B3GNT2: variants seen among roughly 807,000 people sequenced by gnomAD.
The protein encoded by B3GNT2 is N-acetyllactosaminide beta-1,3-N-acetylglucosaminyltransferase 2.
A neutral mutation model predicts 27.6 loss-of-function variants in B3GNT2; 12 were observed. The ratio of observed to expected loss-of-function variants is 0.44; its 90% CI spans 0.28 to 0.71. The LOEUF (loss-of-function observed/expected upper bound fraction) is 0.71, where lower values mean the gene tolerates loss of function less well. Ranked by LOEUF, B3GNT2 falls within the 30% of genes least tolerant of loss-of-function variation. The pLI, the probability that B3GNT2 is intolerant of heterozygous loss-of-function variation, is 0.17. For missense variants in B3GNT2, 413 were observed against 488.5 expected, an observed-to-expected ratio of 0.85 and a Z score of 1.46; for synonymous variants, 192 against 189.7, an observed-to-expected ratio of 1.01 and a Z score of -0.10.
intron 1 of B3GNT2, among the ~76,000 whole-genome samples, chr2:62,197,820 C>G (rs978217811): frequency 4.3e-4 from 66 of 152,336 alleles, no homozygotes; most frequent in East Asian, 1.5e-3. Context: ...ACAGCTGACC[C>G]GGAGGGAGGA....
intron 1 of B3GNT2, among the ~76,000 whole-genome samples, chr2:62,221,258 G>A (rs948716053): frequency 6.6e-6 from 1 of 152,166 alleles, no homozygotes; most frequent in African/African-American, 2.4e-5. Flanking sequence ...TTCTATTGCC[G>A]AGGGGATATA....
intron 1 of B3GNT2, among the ~76,000 whole-genome samples, chr2:62,198,235 G>A (rs1287306596): frequency 1.3e-5 from 2 of 152,154 alleles, no homozygotes; most frequent in Admixed American, 6.5e-5. Flanking sequence ...CATTAGACTT[G>A]ATTCTGCCAC....
At chr2:62,196,961 C>G (rs1177654434) in intron 1 of B3GNT2, among the ~76,000 whole-genome samples, 1 of 152,136 alleles carries the variant, frequency 6.6e-6, no homozygotes, top group East Asian at 1.9e-4. Context: ...CAACCTCTGC[C>G]ACTTCTGTCT....
chr2:62,207,016 CTTA>C (rs1438139136), intron 1 of B3GNT2, among the ~76,000 whole-genome samples: 1 of 152,164 alleles, frequency 6.6e-6, no homozygotes, highest in Non-Finnish European at 1.5e-5. Context: ...ATTGTGAACA[CTTA>C]TTGAAGTTAC....
intron 1 of B3GNT2, among the ~76,000 whole-genome samples, chr2:62,217,263 T>C (rs1376650094): frequency 1.3e-5 from 2 of 152,214 alleles, no homozygotes; most frequent in Non-Finnish European, 2.9e-5. Flanking sequence ...TCCGTGATTG[T>C]GTGATGGTTG....
chr2:62,220,498 C>T (rs895830410), intron 1 of B3GNT2, among the ~76,000 whole-genome samples: 1 of 152,066 alleles, frequency 6.6e-6, no homozygotes, highest in African/African-American at 2.4e-5. Context: ...TCTACTTTAC[C>T]GTTTGTTAGA....
In B3GNT2 at chr2:62,223,742, A is replaced by G; in HGVS notation, c.*328A>G. ...GTGATTTTGTTTGCCCTCTTCTATAATATTCCTACTTCCCATAATAATGAC... is the reference window on the plus strand; with the variant it reads ...GTGATTTTGTTTGCCCTCTTCTATAGTATTCCTACTTCCCATAATAATGAC... On this transcript the variant is annotated 3_prime_UTR_variant, in exon 2 of 2. Coordinates refer to ENST00000301998, the MANE Select transcript of B3GNT2 (RefSeq NM_006577.6). 4.5e-6 allele frequency: 1 copy of G among 220,516 alleles called. No homozygotes were observed. Among genetic ancestry groups the G allele is most frequent in the Admixed American group, 5.3e-5 (1 of 18,724 alleles). 13.7% of individuals were successfully genotyped at this position (220,516 alleles called of 1,614,324 possible).
intron 1 of B3GNT2, among the ~76,000 whole-genome samples, chr2:62,198,871 T>G (rs1313797004): frequency 1.3e-5 from 2 of 152,236 alleles, no homozygotes; most frequent in African/African-American, 4.8e-5. Flanking sequence ...CAGGGCTTTT[T>G]CAGCTGATGC....
chr2:62,203,428 G>A (rs1356337707), intron 1 of B3GNT2, among the ~76,000 whole-genome samples: 1 of 152,166 alleles, frequency 6.6e-6, no homozygotes, highest in East Asian at 1.9e-4. Flanking sequence ...CCCAGCAATA[G>A]ACTTGGGCCC....
At position 62,209,002 on chromosome 2, in the gene B3GNT2, T is replaced by G. The variant is rs141085834; in HGVS notation, c.-10+12647T>G. On this transcript the variant is annotated intron_variant, in intron 1 of 1. Transcript: ENST00000301998. ...GGTGACACATTGGCGCTTTTTTGGTTGTTGTTGTTGCAGTCTCACTCTTGC... is the reference window on the plus strand; with the variant it reads ...GGTGACACATTGGCGCTTTTTTGGTGGTTGTTGTTGCAGTCTCACTCTTGC... Among the ~76,000 whole-genome samples, 67 of 152,022 alleles carry G rather than the reference T, an allele frequency of 4.4e-4. 2 individuals are homozygous for G. The East Asian group carries it at 0.011, about 25-fold the overall frequency.
chr2:62,204,598 G>T (rs1674332734), intron 1 of B3GNT2, among the ~76,000 whole-genome samples: 1 of 152,050 alleles, frequency 6.6e-6, no homozygotes, highest in Non-Finnish European at 1.5e-5. Context: ...TTATTTTATG[G>T]TTGTCTTTGA....
chr2:62,205,030 G>A (rs1429822739), intron 1 of B3GNT2, among the ~76,000 whole-genome samples: 1 of 152,200 alleles, frequency 6.6e-6, no homozygotes, highest in Admixed American at 6.5e-5. Context: ...GCGGAGGCTG[G>A]GGGAGAAGAT....
intron 1 of B3GNT2, among the ~76,000 whole-genome samples, chr2:62,220,613 A>G (rs564007768): frequency 2.0e-5 from 3 of 152,300 alleles, no homozygotes; most frequent in East Asian, 3.9e-4. Flanking sequence ...ACCTTTTGGC[A>G]TGGTACAGAC....
intron 1 of B3GNT2, among the ~76,000 whole-genome samples, chr2:62,199,229 G>A (rs1348793010): frequency 1.3e-5 from 2 of 152,182 alleles, no homozygotes; most frequent in South Asian, 2.1e-4. Context: ...GTAAGCCACC[G>A]CGCCTGGCCT....
chr2:62,219,559 C>T (rs1674643443), intron 1 of B3GNT2, among the ~76,000 whole-genome samples: 1 of 152,122 alleles, frequency 6.6e-6, no homozygotes, highest in African/African-American at 2.4e-5. Flanking sequence ...GGTTTACAGG[C>T]GTGAGTCACT....
Position 62,212,754 on chromosome 2 carries a change from G to A in B3GNT2, c.-9-9458G>A, listed in dbSNP as rs570397165. 1.1e-4 allele frequency among the ~76,000 whole-genome samples: 17 copies of A among 152,066 alleles called. No individual in the cohort carries two copies. In the East Asian group the frequency reaches 3.3e-3, roughly 29 times the overall value. On this transcript the variant is annotated intron_variant, in intron 1 of 1. Transcript: ENST00000301998. The stretch of plus-strand genomic sequence containing the variant: ...GGAGATATTTTTCATCTGTTCCAGG[G>A]CATCCTTTAGATTGTTATTTCATCT...
chr2:62,201,743 A>G (rs1010383834), intron 1 of B3GNT2, among the ~76,000 whole-genome samples: 2 of 152,222 alleles, frequency 1.3e-5, no homozygotes, highest in Non-Finnish European at 2.9e-5. Context: ...ACCCTCTCTC[A>G]CCACTATAAC....
At chr2:62,200,685 G>A (rs1674250684) in intron 1 of B3GNT2, among the ~76,000 whole-genome samples, 1 of 152,160 alleles carries the variant, frequency 6.6e-6, no homozygotes, top group East Asian at 1.9e-4. Context: ...AGGTTCCTGC[G>A]CCCATGTCTT....
chr2:62,201,484 C>T (rs952091266), intron 1 of B3GNT2, among the ~76,000 whole-genome samples: 9 of 152,206 alleles, frequency 5.9e-5, no homozygotes, highest in Non-Finnish European at 1.3e-4. Flanking sequence ...AGCACAGGAC[C>T]AATTATTTTA....
Sources: gnomAD v4.1 joint callset for allele counts (sites outside exome capture counted in the v4.1 genomes callset) on GRCh38, gnomAD v4.1.1 for gene constraint, MANE v1.5 for transcripts, NCBI Gene and HGNC (gene_info 2026-07-23, HGNC 2026-07-21) for gene names.